Variants in DPH6 observed in about 807,000 individuals in gnomAD.
The protein encoded by DPH6 is diphthamine biosynthesis 6, also known as diphthine--ammonia ligase.
DPH6 carries 33 observed loss-of-function variants against 38.2 expected under a neutral mutation model. That is an observed-to-expected ratio of 0.86 (90% CI 0.65 to 1.15). DPH6 has a LOEUF of 1.15. Among genes scored for constraint, DPH6 ranks in the 50% most tolerant of loss-of-function variants. The pLI is 0.00. For synonymous variants in DPH6, 108 were observed against 103.0 expected (o/e 1.05, Z -0.30); for missense variants, 325 against 320.0 (o/e 1.02, Z -0.12).
intron 3 of DPH6, among the ~76,000 whole-genome samples, chr15:35,536,910 T>C (rs958898371): frequency 4.6e-5 from 7 of 152,104 alleles, no homozygotes; most frequent in Non-Finnish European, 7.4e-5. Context: ...AAATGTTTAT[T>C]AGCATGTATC....
At chr15:35,513,854 T>C (rs1489562571) in intron 3 of DPH6, among the ~76,000 whole-genome samples, 6 of 152,062 alleles carry the variant, frequency 3.9e-5, no homozygotes, top group Non-Finnish European at 8.8e-5. Context: ...AAAAATCTTT[T>C]TATAAAGCAA....
At chr15:35,236,766 G>A (rs1053902701) in intron 3 of DPH6, among the ~76,000 whole-genome samples, 1 of 152,106 alleles carries the variant, frequency 6.6e-6, no homozygotes, top group Admixed American at 6.5e-5. Flanking sequence ...CTGTAAACCA[G>A]TATGATCTGA....
At chr15:35,148,866 G>T in the DPH6 span, among the ~76,000 whole-genome samples, 1 of 152,142 alleles carries the variant, frequency 6.6e-6, no homozygotes, top group South Asian at 2.1e-4. Context: ...ATACCAATGA[G>T]TATTAATGTG....
intron 5 of DPH6, 108 bp downstream of exon 5, chr15:35,450,577 C>T (rs1028040017): frequency 8.6e-6 from 8 of 929,646 alleles, no homozygotes; most frequent in Non-Finnish European, 1.3e-5. Flanking sequence ...TGTGACTCCA[C>T]ATTTTTATAT....
the DPH6 span, among the ~76,000 whole-genome samples, chr15:35,167,836 T>C: frequency 6.6e-6 from 1 of 152,020 alleles, no homozygotes; most frequent in African/African-American, 2.4e-5. Flanking sequence ...CAAATTATGA[T>C]GGGATTGTGG....
At chr15:35,212,559 A>G (rs1484557195), downstream of DPH6, among the ~76,000 whole-genome samples, 1 of 152,220 alleles carries the variant, frequency 6.6e-6, no homozygotes, top group East Asian at 1.9e-4. Context: ...CCCTTTACAA[A>G]TAGTTTGCTT....
At chr15:35,180,239 G>A in the DPH6 span, among the ~76,000 whole-genome samples, 1 of 151,996 alleles carries the variant, frequency 6.6e-6, no homozygotes, top group East Asian at 1.9e-4. Flanking sequence ...AAATGAATAA[G>A]TGAATAAACT....
chr15:35,521,983 C>A (rs562943974), intron 3 of DPH6: 1 of 1,462,364 alleles, frequency 6.8e-7, no homozygotes, highest in Admixed American at 2.7e-5. Flanking sequence ...TAAACTAAGC[C>A]GTCAACTACC....
At chr15:35,364,420 G>A (rs2052639553) in intron 3 of DPH6, among the ~76,000 whole-genome samples, 1 of 151,826 alleles carries the variant, frequency 6.6e-6, no homozygotes, top group Non-Finnish European at 1.5e-5. Flanking sequence ...TTATTAACTA[G>A]AGTTAAGTAT....
intron 3 of DPH6, among the ~76,000 whole-genome samples, chr15:35,295,923 T>C (rs558508655): frequency 7.9e-5 from 12 of 152,024 alleles, no homozygotes; most frequent in South Asian, 4.2e-4. Flanking sequence ...TATTTTATTT[T>C]ATTTTATTTT....
Position 35,538,316 on chromosome 15 carries a change from A to C in DPH6, c.270T>G (p.Gly90=). 1 of 1,599,068 alleles carries C rather than the reference A, an allele frequency of 6.3e-7. No individual in the cohort carries two copies. Among genetic ancestry groups the C allele is most frequent in the Non-Finnish European group, 8.6e-7 (1 of 1,168,646 alleles). The change falls in exon 3 of 9, where the codon GGT becomes GGG. Residue 90 remains glycine (G), a synonymous_variant. Coordinates refer to ENST00000256538, the MANE Select transcript of DPH6 (RefSeq NM_080650.4). ...DTRQVYTKCE[G]DEVEDLYELL... Reference sequence around the variant, plus strand: ...GCTCATAGAGATCTTCAACCTCATCACCTTCACATTTGGTGTACACTTGTC... The same window carrying C: ...GCTCATAGAGATCTTCAACCTCATCCCCTTCACATTTGGTGTACACTTGTC...
At chr15:35,191,506 C>T in the DPH6 span, among the ~76,000 whole-genome samples, 2 of 152,142 alleles carry the variant, frequency 1.3e-5, no homozygotes, top group East Asian at 3.9e-4. Context: ...AAGTAACTTG[C>T]TCAGGATGAC....
chr15:35,545,055 C>T (rs2055324144), intron 1 of DPH6, among the ~76,000 whole-genome samples: 1 of 152,172 alleles, frequency 6.6e-6, no homozygotes, highest in South Asian at 2.1e-4. Flanking sequence ...CCAGACACTA[C>T]AGTAGGTCTG....
At chr15:35,196,682 G>T in the DPH6 span, among the ~76,000 whole-genome samples, 1 of 152,144 alleles carries the variant, frequency 6.6e-6, no homozygotes, top group African/African-American at 2.4e-5. Flanking sequence ...TTGAAAAGAG[G>T]TTTGCCAAGT....
At chr15:35,476,929 G>A (rs986573192) in intron 3 of DPH6, among the ~76,000 whole-genome samples, 1 of 151,610 alleles carries the variant, frequency 6.6e-6, no homozygotes, top group Non-Finnish European at 1.5e-5. Flanking sequence ...TCTTTCCATG[G>A]AAACCACTAA....
chr15:35,543,231 CACAT>C lies in DPH6; in HGVS notation c.24-728_24-725del, dbSNP rs566022664. Among the ~76,000 whole-genome samples the C allele has an allele frequency of 5.7e-5, 8 of 140,680 alleles. No homozygotes were observed. In the East Asian group the frequency reaches 1.2e-3, roughly 22 times the overall value. 92.3% of individuals were successfully genotyped at this position (140,680 alleles called of 152,430 possible). On this transcript the variant is annotated intron_variant, in intron 1 of 8. Transcript: ENST00000256538. The stretch of plus-strand genomic sequence containing the variant: ...ACTATCAGCACTTCAGCCATCTCTA[CACAT>C]ACATATAGTACACACATACACATAA...
intron 3 of DPH6, among the ~76,000 whole-genome samples, chr15:35,363,066 C>T (rs1377093138): frequency 6.6e-6 from 1 of 152,140 alleles, no homozygotes; most frequent in Non-Finnish European, 1.5e-5. Flanking sequence ...CTGGGTATAA[C>T]TAACTTTTGT....
intron 3 of DPH6, among the ~76,000 whole-genome samples, chr15:35,471,693 C>CG (rs2054200286): frequency 6.6e-6 from 1 of 152,196 alleles, no homozygotes; most frequent in African/African-American, 2.4e-5. Flanking sequence ...CCAATTTCCA[C>CG]CTACTGTAAT....
intron 3 of DPH6, among the ~76,000 whole-genome samples, chr15:35,355,873 G>A (rs2052555393): frequency 6.6e-6 from 1 of 152,194 alleles, no homozygotes; most frequent in Non-Finnish European, 1.5e-5. Flanking sequence ...ATATCCTGCA[G>A]AGTGTTTTCC....
Sources: gnomAD v4.1 joint callset for allele counts (sites outside exome capture counted in the v4.1 genomes callset) on GRCh38, gnomAD v4.1.1 for gene constraint, MANE v1.5 for transcripts, NCBI Gene and HGNC (gene_info 2026-07-23, HGNC 2026-07-21) for gene names.